Variants in FNBP1L observed in about 807,000 individuals in gnomAD.
FNBP1L encodes the protein formin binding protein 1 like, also known as formin-binding protein 1-like.
Under a neutral mutation model 91.2 loss-of-function variants are expected in FNBP1L, and 36 were observed. The ratio of observed to expected loss-of-function variants is 0.39; its 90% CI spans 0.30 to 0.52. The LOEUF is 0.52. FNBP1L is among the 20% of genes least tolerant of loss of function. The probability of loss-of-function intolerance (pLI) is 0.66; values close to 1 mark genes in which losing one functional copy is unlikely to be tolerated. For missense variants in FNBP1L, 571 were observed against 732.1 expected (o/e 0.78, Z 2.54); for synonymous variants, 242 against 237.0 (o/e 1.02, Z -0.19).
chr1:93,465,805 T>C (rs759929584), intron 1 of FNBP1L, among the ~76,000 whole-genome samples: 1 of 152,230 alleles, frequency 6.6e-6, no homozygotes, highest in Non-Finnish European at 1.5e-5. Flanking sequence ...GTTGAACTAA[T>C]TTACAGTCCC....
At chr1:93,506,879 AATATAT>A (rs1399140663) in intron 2 of FNBP1L, among the ~76,000 whole-genome samples, 1 of 152,126 alleles carries the variant, frequency 6.6e-6, no homozygotes, top group Non-Finnish European at 1.5e-5. Context: ...CAACAACTTA[AATATAT>A]ATTAAAAAGG....
intron 3 of FNBP1L, 83 bp from the exon 4 acceptor site, chr1:93,523,261 A>G: frequency 7.3e-7 from 1 of 1,375,046 alleles, no homozygotes; most frequent in Non-Finnish European, 9.5e-7. Flanking sequence ...AAAATTTGCG[A>G]AATGTTAGAT....
At chr1:93,449,775 T>G (rs965502792) in intron 1 of FNBP1L, among the ~76,000 whole-genome samples, 10 of 152,220 alleles carry the variant, frequency 6.6e-5, no homozygotes, top group African/African-American at 2.4e-4. Flanking sequence ...AGTTTAATTC[T>G]TTTACATTGG....
chr1:93,517,003 T>G (rs1255332424), intron 2 of FNBP1L, among the ~76,000 whole-genome samples: 1 of 151,864 alleles, frequency 6.6e-6, no homozygotes, highest in Non-Finnish European at 1.5e-5. Flanking sequence ...CTTCACCCTG[T>G]TCTTCCTCTT....
intron 1 of FNBP1L, among the ~76,000 whole-genome samples, chr1:93,465,333 C>T (rs1161399220): frequency 6.6e-6 from 1 of 152,030 alleles, no homozygotes; most frequent in Non-Finnish European, 1.5e-5. Context: ...ATGTATTTCT[C>T]CTAATGCTAT....
At position 93,523,550 on chromosome 1, in the gene FNBP1L, CTTTG is replaced by C; in HGVS notation, c.342+63_342+66del. ...TATATGAAATAGTCACACAGAAACA[CTTTG>C]TTTTCTTTAAAATGTGTGTTCAGCA... is the stretch of plus-strand genomic sequence containing the variant. On this transcript the variant is annotated intron_variant, in intron 4 of 16. Coordinates refer to ENST00000271234, the MANE Select transcript of FNBP1L (RefSeq NM_001164473.3). The C allele has an allele frequency of 2.1e-6, 3 of 1,442,482 alleles. No homozygotes were observed. The South Asian group carries it at 4.2e-5, about 20-fold the overall frequency. 89.4% of individuals were successfully genotyped at this position (1,442,482 alleles called of 1,614,324 possible). A position where few individuals can be genotyped will look rare whatever the true frequency, so the allele number is the denominator to read the frequency against.
chr1:93,463,249 C>T (rs575314114), intron 1 of FNBP1L, among the ~76,000 whole-genome samples: 8 of 152,206 alleles, frequency 5.3e-5, no homozygotes, highest in African/African-American at 1.9e-4. Context: ...CTAGAATAAG[C>T]CATTTCTTCA....
intron 1 of FNBP1L, among the ~76,000 whole-genome samples, chr1:93,481,894 T>TCAC (rs1291807937): frequency 6.6e-6 from 1 of 152,194 alleles, no homozygotes; most frequent in Admixed American, 6.5e-5. Context: ...GCACAGTGGC[T>TCAC]CACACCTGTA....
intron 1 of FNBP1L, among the ~76,000 whole-genome samples, chr1:93,471,177 T>TA (rs1387898673): frequency 2.0e-5 from 3 of 152,150 alleles, no homozygotes; most frequent in Non-Finnish European, 4.4e-5. Context: ...TTGGAATACT[T>TA]TCATTTTATT....
chr1:93,464,007 TTC>T (rs1668987879), intron 1 of FNBP1L, among the ~76,000 whole-genome samples: 1 of 152,182 alleles, frequency 6.6e-6, no homozygotes, highest in African/African-American at 2.4e-5. Context: ...GTAGAATAGT[TTC>T]ACTACCCTAA....
chr1:93,547,082 G>A, intron 13 of FNBP1L, 108 bp downstream of exon 13: 1 of 1,283,008 alleles, frequency 7.8e-7, no homozygotes. Context: ...TTAATGTTAG[G>A]GTTTATGATC....
At chr1:93,509,006 C>A (rs943748649) in intron 2 of FNBP1L, among the ~76,000 whole-genome samples, 2 of 152,142 alleles carry the variant, frequency 1.3e-5, no homozygotes, top group South Asian at 2.1e-4. Context: ...CTAAGAATTA[C>A]AACAGAAATT....
rs1362765070 is a variant in FNBP1L, at chr1:93,551,041, G to C, written c.1746G>C (p.Gln582His). Residue 582 changes from glutamine (Q) to histidine (H), a missense_variant, in exon 16 of 17, where the codon CAG (glutamine) becomes CAC (histidine). Transcript: ENST00000271234. ...ACGGATGGACAAGAGCTCGGAGACA[G>C]AACGGTGAAGAAGGCTACGTTCCCA... ...KGDGWTRARR[Q>H]NGEEGYVPTS... The C allele has an allele frequency of 6.2e-7, 1 of 1,612,818 alleles. No homozygotes were observed. The highest frequency in any genetic ancestry group is 8.5e-7 in the Non-Finnish European group (1 of 1,179,326).
intron 1 of FNBP1L, among the ~76,000 whole-genome samples, chr1:93,458,709 A>G (rs1037083746): frequency 2.6e-5 from 4 of 152,352 alleles, no homozygotes; most frequent in Non-Finnish European, 5.9e-5. Context: ...AGAATATTAC[A>G]GTAATCCACC....
At position 93,553,025 on chromosome 1, in the gene FNBP1L, A is replaced by T. The variant is rs1171660612; in HGVS notation, c.*609A>T. On this transcript the variant is annotated 3_prime_UTR_variant, in exon 17 of 17. Coordinates refer to ENST00000271234, the MANE Select transcript of FNBP1L (RefSeq NM_001164473.3). Reference sequence around the variant, plus strand: ...CTTAGTATTTGTGCACACTGCTATAACTTCCCCACTGCAAACATTCCAGTT... The same window carrying T: ...CTTAGTATTTGTGCACACTGCTATATCTTCCCCACTGCAAACATTCCAGTT... 2 of 152,312 alleles carry T rather than the reference A, an allele frequency of 1.3e-5. No homozygotes were observed. The highest frequency in any genetic ancestry group is 3.8e-4 in the East Asian group (2 of 5,202). 9.4% of individuals were successfully genotyped at this position (152,312 alleles called of 1,614,324 possible).
chr1:93,534,506 A>C (rs1373258632), intron 8 of FNBP1L, among the ~76,000 whole-genome samples, 199 bp from the exon 9 acceptor site: 1 of 152,186 alleles, frequency 6.6e-6, no homozygotes, highest in Non-Finnish European at 1.5e-5. Context: ...TGTAATTTGC[A>C]AGTATATTTT....
At chr1:93,520,746 G>C (rs1350377622) in intron 2 of FNBP1L, among the ~76,000 whole-genome samples, 1 of 152,024 alleles carries the variant, frequency 6.6e-6, no homozygotes, top group Non-Finnish European at 1.5e-5. Context: ...GGTCACATAG[G>C]TACTACATAA....
intron 2 of FNBP1L, among the ~76,000 whole-genome samples, chr1:93,502,408 A>T (rs1281679267): frequency 6.6e-6 from 1 of 152,116 alleles, no homozygotes; most frequent in African/African-American, 2.4e-5. Context: ...TTATAAGATT[A>T]AAAAAAACTT....
chr1:93,479,575 C>T (rs1669618507), intron 1 of FNBP1L, among the ~76,000 whole-genome samples: 1 of 152,062 alleles, frequency 6.6e-6, no homozygotes, highest in African/African-American at 2.4e-5. Context: ...ACAGGCACTC[C>T]CAGAGCAGCC....
Sources: gnomAD v4.1 joint callset for allele counts (sites outside exome capture counted in the v4.1 genomes callset) on GRCh38, gnomAD v4.1.1 for gene constraint, MANE v1.5 for transcripts, NCBI Gene and HGNC (gene_info 2026-07-23, HGNC 2026-07-21) for gene names.